HCK: variants seen among roughly 807,000 people sequenced by gnomAD.
The protein encoded by HCK is HCK proto-oncogene, Src family tyrosine kinase, also known as tyrosine-protein kinase HCK.
Under a neutral mutation model 70.4 loss-of-function variants are expected in HCK, and 40 were observed. The observed-to-expected ratio is 0.57, with a 90% CI of 0.44 to 0.74. The LOEUF (loss-of-function observed/expected upper bound fraction) is 0.74, where lower values mean the gene tolerates loss of function less well. Ranked by LOEUF, HCK falls within the 30% of genes least tolerant of loss-of-function variation. The pLI is 0.00. For synonymous variants in HCK, 245 were observed against 263.2 expected (o/e 0.93, Z 0.67); for missense variants, 568 against 697.2 (o/e 0.81, Z 2.09).
chr20:32,099,350 C>CTTTTTTTTTTTTTTTTTTTTTTTTTTTTT (rs71336559), intron 12 of HCK, among the ~76,000 whole-genome samples: 1 of 85,134 alleles, frequency 1.2e-5, no homozygotes, highest in African/African-American at 6.5e-5. Context: ...ACTCCTATGA[C>CTTTTTTTTTTTTTTTTTTTTTTTTTTTTT]TTTTTTTTTT....
intron 8 of HCK, among the ~76,000 whole-genome samples, chr20:32,085,839 G>GCCAACTAAAACTC (rs1238666426): frequency 6.6e-6 from 1 of 152,172 alleles, no homozygotes; most frequent in Non-Finnish European, 1.5e-5. Context: ...CACATAAAAG[G>GCCAACTAAAACTC]CAAGGGGAGT....
intron 11 of HCK, among the ~76,000 whole-genome samples, chr20:32,098,039 T>C (rs1406894084): frequency 2.0e-5 from 1 of 50,202 alleles, no homozygotes; most frequent in African/African-American, 3.8e-4. Flanking sequence ...TTTTATATTT[T>C]ATTTTATTTT....
chr20:32,085,366 T>C (rs2045769862), intron 8 of HCK, among the ~76,000 whole-genome samples: 1 of 151,818 alleles, frequency 6.6e-6, no homozygotes, highest in Non-Finnish European at 1.5e-5. Flanking sequence ...ATACAACAAT[T>C]AGCCAGGCGT....
At chr20:32,057,589 G>A (rs2122456887) in intron 1 of HCK, among the ~76,000 whole-genome samples, 1 of 152,284 alleles carries the variant, frequency 6.6e-6, no homozygotes, top group Admixed American at 6.5e-5. Context: ...GACAGAGCAA[G>A]ACCCTGTCTC....
rs181577847 is a variant in HCK at position 32,093,920 on chromosome 20, G to T, written c.1150G>T (p.Ala384Ser). 1.1e-5 allele frequency: 17 copies of T among 1,614,096 alleles called. No homozygotes were observed. The Admixed American group carries it at 2.3e-4, about 22-fold the overall frequency. ...GAACTACATCCACCGAGACCTCCGA[G>T]CTGCCAACATCTTGGTCTCTGCATC... Residue 384 changes from alanine to serine, a missense_variant, in exon 11 of 13, where the codon GCT becomes TCT. Transcript: ENST00000375852.
At chr20:32,066,369 T>TG (rs1195333426) in intron 1 of HCK, among the ~76,000 whole-genome samples, 1 of 132,330 alleles carries the variant, frequency 7.6e-6, no homozygotes, top group Non-Finnish European at 1.5e-5. Context: ...TGGAGTGCAG[T>TG]GGCACGATCT....
chr20:32,070,368 T>C (rs2045519113), intron 1 of HCK, among the ~76,000 whole-genome samples: 1 of 152,180 alleles, frequency 6.6e-6, no homozygotes, highest in East Asian at 1.9e-4. Flanking sequence ...CCCTACAGGA[T>C]ATGGTGGCCT....
intron 1 of HCK, among the ~76,000 whole-genome samples, chr20:32,066,303 C>CTTT (rs35827345): frequency 6.5e-5 from 3 of 46,224 alleles, no homozygotes; most frequent in African/African-American, 6.7e-5. Context: ...CCTCCAGTGA[C>CTTT]TTTTTTTTTT....
chr20:32,088,952 A>G (rs2045827710), intron 10 of HCK, among the ~76,000 whole-genome samples: 1 of 152,232 alleles, frequency 6.6e-6, no homozygotes, highest in Non-Finnish European at 1.5e-5. Context: ...GCCTGGGTTC[A>G]GCTGGGTGGT....
At chr20:32,073,645 C>T (rs1019417941) in intron 3 of HCK, 71 bp from the exon 4 acceptor site, 18 of 1,032,650 alleles carry the variant, frequency 1.7e-5, no homozygotes, top group Non-Finnish European at 1.9e-5. Flanking sequence ...TTCCAGGTGC[C>T]GGGTGAGGGT....
chr20:32,071,856 C>G (rs1331024320), intron 2 of HCK, 74 bp downstream of exon 2: 15 of 1,555,744 alleles, frequency 9.6e-6, no homozygotes, highest in Middle Eastern at 1.7e-4. Context: ...AGCCTCCTGT[C>G]TTCCCAAGGT....
intron 1 of HCK, among the ~76,000 whole-genome samples, chr20:32,058,604 A>AC (rs2045311617): frequency 2.2e-5 from 2 of 90,978 alleles, no homozygotes; most frequent in Admixed American, 1.5e-4. Flanking sequence ...TTTTATGTCA[A>AC]AACACACACA....
intron 5 of HCK, among the ~76,000 whole-genome samples, chr20:32,079,455 T>G (rs1339213586): frequency 1.3e-5 from 2 of 152,208 alleles, no homozygotes; most frequent in Non-Finnish European, 2.9e-5. Context: ...CGAGCAGCAC[T>G]GAAATGACCT....
intron 5 of HCK, 57 bp from the exon 6 acceptor site, chr20:32,079,717 G>A: frequency 8.2e-7 from 1 of 1,214,350 alleles, no homozygotes; most frequent in Non-Finnish European, 1.2e-6. Flanking sequence ...ATCCTGTGTA[G>A]GCCGGACAGG....
rs145693889 is a variant in HCK at position 32,100,588 on chromosome 20, G to A, written c.1379-729G>A. Among the ~76,000 whole-genome samples the A allele has an allele frequency of 7.9e-5, 12 of 152,304 alleles. No homozygotes were observed. In the East Asian group the frequency reaches 2.3e-3, roughly 29 times the overall value. On this transcript the variant is annotated intron_variant, in intron 12 of 12. Transcript: ENST00000375852. Reference sequence around the variant, plus strand: ...CTAAATTTGAGTTGACTTAAATATAGAGACATCCAAGTAAAGGAAGCACTT... The same window carrying A: ...CTAAATTTGAGTTGACTTAAATATAAAGACATCCAAGTAAAGGAAGCACTT...
chr20:32,055,046 C>T (rs2045249068), intron 1 of HCK, among the ~76,000 whole-genome samples: 1 of 152,146 alleles, frequency 6.6e-6, no homozygotes, highest in Admixed American at 6.5e-5. Flanking sequence ...TGTTCCTAGG[C>T]GTTCACTACA....
chr20:32,069,373 C>T (rs190873809), intron 1 of HCK, among the ~76,000 whole-genome samples: 10 of 152,326 alleles, frequency 6.6e-5, no homozygotes, highest in African/African-American at 2.4e-4. Flanking sequence ...TCACAAGACT[C>T]ACAGCTGCAG....
At position 32,094,005 on chromosome 20, in the gene HCK, C is replaced by T. The variant is rs377468533; in HGVS notation, c.1235C>T (p.Thr412Met). ...CGGGTCATTGAGGACAACGAGTACA[C>T]GGCTCGGGAAGGTAGGGAACGCTGC... The change falls in exon 11 of 13, where the codon ACG (threonine) becomes ATG (methionine). Residue 412 changes from threonine (T) to methionine (M), a missense_variant. This residue lies in a region of HCK where 160 missense variants were observed against 237.5 expected (regional missense o/e 0.67). Coordinates refer to ENST00000375852, the MANE Select transcript of HCK (RefSeq NM_002110.5). 2.9e-5 allele frequency: 46 copies of T among 1,613,060 alleles called. No individual in the cohort carries two copies. The highest frequency in any genetic ancestry group is 8.0e-5 in the African/African-American group (6 of 74,952).
chr20:32,080,899 G>A (rs923247357), intron 6 of HCK, among the ~76,000 whole-genome samples: 1 of 151,976 alleles, frequency 6.6e-6, no homozygotes, highest in Admixed American at 6.6e-5. Flanking sequence ...ACCAGCCTGG[G>A]CAACATAGTG....
Sources: allele counts gnomAD v4.1 joint callset (sites outside exome capture counted in the v4.1 genomes callset), GRCh38; gene constraint gnomAD v4.1.1; regional missense constraint gnomAD v4.1.1; transcripts MANE v1.5; gene names NCBI Gene and HGNC (gene_info 2026-07-23, HGNC 2026-07-21).